The following RIN2 variants were observed in gnomAD, a reference collection of about 807,000 sequenced individuals.
RIN2 encodes RAB5 interacting protein 2.
Under a neutral mutation model 78.0 loss-of-function variants are expected in RIN2, and 36 were observed. The observed-to-expected ratio is 0.46, with a 90% confidence interval of 0.35 to 0.61. RIN2 has a LOEUF of 0.61. Among genes scored for constraint, RIN2 ranks in the 20% least tolerant of loss-of-function variants. The pLI is 0.00. For missense variants in RIN2, 1,087 were observed against 1,159.7 expected (o/e 0.94, Z 0.91); for synonymous variants, 466 against 466.8 (o/e 1.00, Z 0.02).
At chr20:19,900,703 C>A (rs2038940187) in intron 3 of RIN2, among the ~76,000 whole-genome samples, 1 of 151,746 alleles carries the variant, frequency 6.6e-6, no homozygotes, top group African/African-American at 2.4e-5. Flanking sequence ...GTAATCCCAG[C>A]ACTTTGGGAG....
chr20:19,835,446 A>T (rs985091580), intron 2 of RIN2, among the ~76,000 whole-genome samples: 1 of 152,234 alleles, frequency 6.6e-6, no homozygotes, highest in African/African-American at 2.4e-5. Flanking sequence ...CTTCAATAAC[A>T]ATCATTATAT....
chr20:19,934,244 C>T (rs1285458735), intron 3 of RIN2, among the ~76,000 whole-genome samples: 3 of 151,660 alleles, frequency 2.0e-5, no homozygotes, highest in African/African-American at 7.3e-5. Flanking sequence ...GGACCTGTTA[C>T]CTGTTAATGT....
intron 2 of RIN2, among the ~76,000 whole-genome samples, chr20:19,806,901 TAATA>T (rs1360532319): frequency 6.6e-6 from 1 of 152,106 alleles, no homozygotes; most frequent in East Asian, 1.9e-4. Flanking sequence ...AAGAAATTGA[TAATA>T]AATATCTGTT....
intron 4 of RIN2, among the ~76,000 whole-genome samples, chr20:19,947,989 G>A (rs1247647943): frequency 2.0e-5 from 3 of 152,218 alleles, no homozygotes; most frequent in Non-Finnish European, 4.4e-5. Context: ...GATACAAGCC[G>A]AAAGCCAAGC....
intron 1 of RIN2, among the ~76,000 whole-genome samples, chr20:19,776,680 C>T (rs965822164): frequency 1.9e-4 from 29 of 151,088 alleles, no homozygotes; most frequent in Admixed American, 8.6e-4. Flanking sequence ...TGCAGTGAGC[C>T]GAGATCACGC....
At chr20:19,869,024 T>C (rs917020327) in intron 2 of RIN2, among the ~76,000 whole-genome samples, 4 of 127,188 alleles carry the variant, frequency 3.1e-5, no homozygotes, top group Admixed American at 8.7e-5. Context: ...GAGGTTGCAG[T>C]TGAGCCGAGA....
intron 2 of RIN2, among the ~76,000 whole-genome samples, chr20:19,873,085 C>G (rs1028098099): frequency 6.6e-6 from 1 of 151,350 alleles, no homozygotes; most frequent in Non-Finnish European, 1.5e-5. Flanking sequence ...ATATAACACA[C>G]TTTTTCTTTT....
intron 1 of RIN2, among the ~76,000 whole-genome samples, chr20:19,783,489 T>TGACCTGGGTGATTCCAGGTCA (rs142757528): frequency 0.15 from 22,469 of 151,890 alleles, 1,853 homozygotes; most frequent in African/African-American, 0.21. Flanking sequence ...GGGCTGTCTC[T>TGACCTGGGTGATTCCAGGTCA]GACCTGGGTG....
At chr20:19,990,722 G>C (rs1042362865) in intron 10 of RIN2, among the ~76,000 whole-genome samples, 9 of 152,090 alleles carry the variant, frequency 5.9e-5, no homozygotes, top group African/African-American at 2.2e-4. Context: ...GTGGGGATTA[G>C]CTGAGACAGC....
intron 1 of RIN2, among the ~76,000 whole-genome samples, chr20:19,797,992 C>G (rs1194586954): frequency 6.6e-6 from 1 of 151,478 alleles, no homozygotes; most frequent in Non-Finnish European, 1.5e-5. Context: ...GCTGGGACTA[C>G]AGGCACCTGC....
chr20:19,872,039 G>A (rs2037705963), intron 2 of RIN2: 1 of 152,100 alleles, frequency 6.6e-6, no homozygotes, highest in African/African-American at 2.4e-5. Context: ...TGTTGAAGGA[G>A]GGAGCTGGTG....
intron 1 of RIN2, among the ~76,000 whole-genome samples, chr20:19,781,030 G>T (rs902232700): frequency 6.6e-6 from 1 of 152,206 alleles, no homozygotes; most frequent in African/African-American, 2.4e-5. Flanking sequence ...TTGGTTGGGT[G>T]GCTCTTCTCC....
At chr20:19,913,831 A>G (rs2039573349) in intron 3 of RIN2, among the ~76,000 whole-genome samples, 1 of 152,184 alleles carries the variant, frequency 6.6e-6, no homozygotes, top group African/African-American at 2.4e-5. Context: ...TCATTCATCC[A>G]TCAGCGGACA....
intron 1 of RIN2, among the ~76,000 whole-genome samples, chr20:19,795,046 T>A (rs1053600989): frequency 6.6e-6 from 1 of 152,214 alleles, no homozygotes; most frequent in African/African-American, 2.4e-5. Context: ...CCTGTTAAAG[T>A]TCAATAACCC....
At chr20:19,759,619 C>G (rs2033549790) in intron 1 of RIN2, among the ~76,000 whole-genome samples, 1 of 152,190 alleles carries the variant, frequency 6.6e-6, no homozygotes. Context: ...AATCCCAGCA[C>G]TTAGGGAGGC....
chr20:19,982,498 T>C (rs2235891), intron 9 of RIN2, among the ~76,000 whole-genome samples: 58,536 of 152,062 alleles, frequency 0.38, 13,539 homozygotes, highest in African/African-American at 0.64. Context: ...TCACATAAGA[T>C]AGAGAAGTTT....
At chr20:19,952,603 C>G (rs2041363879) in intron 4 of RIN2, among the ~76,000 whole-genome samples, 1 of 152,190 alleles carries the variant, frequency 6.6e-6, no homozygotes, top group African/African-American at 2.4e-5. Flanking sequence ...GCTGAGGTCA[C>G]TTGTCAGAAC....
intron 4 of RIN2, among the ~76,000 whole-genome samples, chr20:19,943,975 CTTTTTTTTTTT>C (rs58524523): frequency 2.1e-5 from 2 of 95,880 alleles, no homozygotes; most frequent in African/African-American, 4.3e-5. Context: ...TTTCAATATC[CTTTTTTTTTTT>C]TTTTTTTTTT....
At chr20:19,804,332 G>T (rs1461799972) in intron 2 of RIN2, among the ~76,000 whole-genome samples, 1 of 152,112 alleles carries the variant, frequency 6.6e-6, no homozygotes, top group Non-Finnish European at 1.5e-5. Context: ...TTAACTGTAG[G>T]TTTGTCATAA....
Sources: allele counts gnomAD v4.1 joint callset (sites outside exome capture counted in the v4.1 genomes callset), GRCh38; gene constraint gnomAD v4.1.1; transcripts MANE v1.5; gene names NCBI Gene and HGNC (gene_info 2026-07-23, HGNC 2026-07-21).